Variants in COX11 observed in about 807,000 individuals in gnomAD.
The protein encoded by COX11 is cytochrome c oxidase copper chaperone COX11, also known as cytochrome c oxidase assembly protein COX11, mitochondrial.
A neutral mutation model predicts 29.4 loss-of-function variants in COX11; 18 were observed. That is an observed-to-expected ratio of 0.61 (90% CI 0.42 to 0.91). The LOEUF (loss-of-function observed/expected upper bound fraction) is 0.91. Among genes scored for constraint, COX11 ranks in the 40% least tolerant of loss-of-function variants. The pLI is 0.00. For missense variants in COX11, 312 were observed against 346.0 expected, an observed-to-expected ratio of 0.90 and a Z score of 0.78; for synonymous variants, 131 against 124.0, an observed-to-expected ratio of 1.06 and a Z score of -0.38.
At chr17:54,964,125 TCCTC>T (rs2077179390) in intron 2 of COX11, among the ~76,000 whole-genome samples, 1 of 152,286 alleles carries the variant, frequency 6.6e-6, no homozygotes, top group South Asian at 2.1e-4. Flanking sequence ...CTCTGGCTAA[TCCTC>T]AATTAATGAG....
rs1432035069 is a variant in COX11 at position 54,961,319 on chromosome 17, G to A, written c.*1414C>T. On this transcript the variant is annotated 3_prime_UTR_variant, in exon 4 of 4. Coordinates refer to ENST00000299335, the MANE Select transcript of COX11 (RefSeq NM_004375.5). ...CTCTGTGCAGCTTTGAAGCCTGGAAGACAATACCTACCAACATGTCAAAGC... is the reference window on the plus strand; with the variant it reads ...CTCTGTGCAGCTTTGAAGCCTGGAAAACAATACCTACCAACATGTCAAAGC... The A allele has an allele frequency of 4.5e-6, 7 of 1,551,428 alleles. No homozygotes were observed. Among genetic ancestry groups the A allele is most frequent in the African/African-American group, 2.7e-5 (2 of 73,034 alleles).
Position 54,962,874 on chromosome 17 carries a change from T to A in COX11, c.690A>T (p.Glu230Asp). The A allele has an allele frequency of 6.2e-7, 1 of 1,613,018 alleles. No individual in the cohort carries two copies. The highest frequency in any genetic ancestry group is 1.3e-5 in the African/African-American group (1 of 75,028). ...TGTAGAAAAACACTGGCATATCTAC[T>A]TCCTCTTGGGGATTAAGCCTTTGTT... The part of the protein sequence containing the change: ...FEEQRLNPQE[E>D]VDMPVFFYID... The change falls in exon 4 of 4, where the codon GAA (glutamate) becomes GAT (aspartate). Residue 230 changes from glutamate to aspartate, a missense_variant. Physicochemically the swap from Glu to Asp is conservative, Grantham distance 45. Coordinates refer to ENST00000299335, the MANE Select transcript of COX11 (RefSeq NM_004375.5).
chr17:54,963,554 T>G, intron 2 of COX11, 123 bp from the exon 3 acceptor site: 1 of 916,600 alleles, frequency 1.1e-6, no homozygotes, highest in Non-Finnish European at 1.6e-6. Context: ...TAATGTAGGG[T>G]TCAGCAAAAT....
At chr17:54,963,845 A>G (rs2077173826) in intron 2 of COX11, among the ~76,000 whole-genome samples, 1 of 152,080 alleles carries the variant, frequency 6.6e-6, no homozygotes, top group African/African-American at 2.4e-5. Context: ...AAATCAGAAT[A>G]AAACTGACTG....
intron 1 of COX11, among the ~76,000 whole-genome samples, chr17:54,966,751 G>C (rs2077222884): frequency 6.6e-6 from 1 of 152,198 alleles, no homozygotes; most frequent in Admixed American, 6.5e-5. Flanking sequence ...GGTCTCTGAT[G>C]AAAAGTAATT....
downstream of COX11, among the ~76,000 whole-genome samples, chr17:54,956,474 T>G (rs1181499251): frequency 1.3e-4 from 20 of 151,968 alleles, no homozygotes; most frequent in Admixed American, 1.2e-3. Context: ...CCTGGCTAAT[T>G]TTTTTGTATA....
exon 1 of COX11, chr17:54,954,489 G>A (rs2049393443): frequency 6.6e-6 from 1 of 152,280 alleles, no homozygotes; most frequent in African/African-American, 2.4e-5. Context: ...GCCTGCTATT[G>A]CCATAGCAGG....
chr17:54,966,754 A>G (rs2077223007), intron 1 of COX11, among the ~76,000 whole-genome samples: 1 of 152,214 alleles, frequency 6.6e-6, no homozygotes, highest in African/African-American at 2.4e-5. Flanking sequence ...CTCTGATGAA[A>G]AGTAATTCAC....
intron 1 of COX11, among the ~76,000 whole-genome samples, chr17:54,966,490 T>C (rs1208339339): frequency 6.6e-6 from 1 of 152,226 alleles, no homozygotes; most frequent in Admixed American, 6.5e-5. Context: ...TAATTTTTTG[T>C]TGTTTGGGGG....
chr17:54,963,092 A>T, intron 3 of COX11, 177 bp from the exon 4 acceptor site: 1 of 778,776 alleles, frequency 1.3e-6, no homozygotes, highest in Non-Finnish European at 2.0e-6. Context: ...GTTCTGCTTT[A>T]AGGATGAAGA....
chr17:54,954,655 A>G (rs1364480377), exon 1 of COX11: 1 of 152,176 alleles, frequency 6.6e-6, no homozygotes, highest in Non-Finnish European at 1.5e-5. Context: ...AGAGGGCCTC[A>G]CTTCTCTTGG....
rs765210269 is a variant in COX11, at chr17:54,968,637, G to A, written c.10C>T (p.Leu4Phe). ...ACGCACCTCCATCCAGGACGCCAGA[G>A]CCCTCCCATAACCCTCTGAACTAAC... MGG[L>F]WRPGWRCVPF... The change falls in exon 1 of 4, where the codon CTC becomes TTC. Residue 4 changes from leucine to phenylalanine, a missense_variant. By Grantham distance (22) the Leu-to-Phe change is conservative (BLOSUM62 0). Transcript: ENST00000299335. The A allele has an allele frequency of 4.3e-6, 7 of 1,612,112 alleles. No homozygotes were observed. Among genetic ancestry groups the A allele is most frequent in the South Asian group, 2.2e-5 (2 of 91,060 alleles).
chr17:54,963,110 C>A, intron 3 of COX11, 195 bp from the exon 4 acceptor site: 1 of 787,594 alleles, frequency 1.3e-6, no homozygotes, highest in Non-Finnish European at 2.0e-6. Flanking sequence ...AGAACAAATT[C>A]TAATCTTAAA....
At position 54,960,813 on chromosome 17, in the gene COX11, AT is replaced by A. The variant is rs2077102505; in HGVS notation, c.*1919del. Reference sequence around the variant, plus strand: ...TCACTAATGAGAGTCATTCTTTGTGATTTTCTCATCTGTAAATAGTAAGGCT... The same window carrying A: ...TCACTAATGAGAGTCATTCTTTGTGATTTCTCATCTGTAAATAGTAAGGCT... On this transcript the variant is annotated 3_prime_UTR_variant, in exon 4 of 4. Transcript: ENST00000299335. 6.6e-6 allele frequency among the ~76,000 whole-genome samples: 1 copy of A among 152,136 alleles called. No individual in the cohort carries two copies. The highest frequency in any genetic ancestry group is 1.5e-5 in the Non-Finnish European group (1 of 68,012).
intron 1 of COX11, among the ~76,000 whole-genome samples, chr17:54,965,685 C>T (rs184771129): frequency 2.0e-4 from 31 of 152,154 alleles, no homozygotes; most frequent in African/African-American, 7.0e-4. Context: ...AAAAATTAGC[C>T]GGGTGTGGTG....
chr17:54,967,253 C>T (rs756686867), intron 1 of COX11, among the ~76,000 whole-genome samples: 8 of 152,136 alleles, frequency 5.3e-5, no homozygotes, highest in Non-Finnish European at 1.0e-4. Flanking sequence ...CCAGGTGATT[C>T]CCAATGTTGC....
chr17:54,966,971 T>C (rs887527912), intron 1 of COX11, among the ~76,000 whole-genome samples: 9 of 151,586 alleles, frequency 5.9e-5, no homozygotes, highest in African/African-American at 2.2e-4. Flanking sequence ...AGCCCAGGAG[T>C]TGAGACCAGC....
chr17:54,963,894 G>A (rs1450173360), intron 2 of COX11, among the ~76,000 whole-genome samples: 2 of 151,986 alleles, frequency 1.3e-5, no homozygotes, highest in Admixed American at 1.3e-4. Context: ...TTAATACTTT[G>A]GAGAAAATAA....
chr17:54,953,743 A>G (rs2049351005), exon 1 of COX11: 1 of 152,114 alleles, frequency 6.6e-6, no homozygotes, highest in Non-Finnish European at 1.5e-5. Flanking sequence ...CAGATGCCAC[A>G]TCTCTTTACT....
Sources: gnomAD v4.1 joint callset for allele counts (sites outside exome capture counted in the v4.1 genomes callset) on GRCh38, gnomAD v4.1.1 for gene constraint, MANE v1.5 for transcripts, NCBI Gene and HGNC (gene_info 2026-07-23, HGNC 2026-07-21) for gene names.